Variants in SIPA1L3 observed in about 807,000 individuals in gnomAD.
SIPA1L3 encodes signal-induced proliferation-associated 1-like protein 3.
SIPA1L3 carries 59 observed loss-of-function variants against 150.1 expected under a neutral mutation model. The observed-to-expected ratio is 0.39, with a 90% CI of 0.32 to 0.49. The LOEUF (loss-of-function observed/expected upper bound fraction) is 0.49. Among genes scored for constraint, SIPA1L3 ranks in the 20% least tolerant of loss-of-function variants. The pLI, the probability that SIPA1L3 is intolerant of heterozygous loss-of-function variation, is 0.86. For missense variants in SIPA1L3, 2,211 were observed against 2,489.5 expected (o/e 0.89, Z 2.38); for synonymous variants, 1,070 against 1,077.6 (o/e 0.99, Z 0.14).
chr19:38,129,174 T>C (rs1971251888), intron 9 of SIPA1L3, among the ~76,000 whole-genome samples: 1 of 152,160 alleles, frequency 6.6e-6, no homozygotes, highest in African/African-American at 2.4e-5. Flanking sequence ...AGGGCTCTAT[T>C]CAGCAGGTCC....
At chr19:38,126,579 T>C (rs1403176535) in intron 9 of SIPA1L3, among the ~76,000 whole-genome samples, 4 of 151,878 alleles carry the variant, frequency 2.6e-5, no homozygotes, top group South Asian at 4.2e-4. Context: ...CTCTGTTGCC[T>C]AGGCTGGAGT....
At chr19:38,069,011 G>T (rs188335489) in intron 2 of SIPA1L3, among the ~76,000 whole-genome samples, 1 of 152,120 alleles carries the variant, frequency 6.6e-6, no homozygotes, top group Non-Finnish European at 1.5e-5. Flanking sequence ...CGTCATCACC[G>T]TATTATCCCT....
At chr19:37,938,666 C>T (rs2046624386) in intron 1 of SIPA1L3, among the ~76,000 whole-genome samples, 1 of 148,984 alleles carries the variant, frequency 6.7e-6, no homozygotes, top group South Asian at 2.1e-4. Flanking sequence ...TCTTGTCACC[C>T]AGGCTGGAGT....
chr19:38,045,809 G>C (rs953585161), intron 2 of SIPA1L3, among the ~76,000 whole-genome samples: 1 of 152,050 alleles, frequency 6.6e-6, no homozygotes, highest in African/African-American at 2.4e-5. Flanking sequence ...GTCGCAGGTG[G>C]GGAGGAACTG....
chr19:38,142,481 C>G (rs1349903607), intron 11 of SIPA1L3, 92 bp from the exon 12 acceptor site: 27 of 1,401,514 alleles, frequency 1.9e-5, no homozygotes, highest in Non-Finnish European at 2.5e-5. Flanking sequence ...GTCTGTCCGT[C>G]TGTCCATCCA....
Position 38,206,189 on chromosome 19 carries a change from G to C in SIPA1L3, c.5295G>C (p.Glu1765Asp). ...RLQEESQAAS[E>D]QLRKFAEIFC... is the part of the protein sequence containing the mutation. ...AGGAGGAGTCGCAGGCCGCCAGCGAGCAGCTGCGCAAGTTTGCGGAGATCT... is the reference window on the plus strand; with the variant it reads ...AGGAGGAGTCGCAGGCCGCCAGCGACCAGCTGCGCAAGTTTGCGGAGATCT... The change falls in exon 22 of 22, where the codon GAG becomes GAC. Residue 1765 changes from glutamate to aspartate, a missense_variant. Coordinates refer to ENST00000222345, the MANE Select transcript of SIPA1L3 (RefSeq NM_015073.3). 1 of 1,558,864 alleles carries C rather than the reference G, an allele frequency of 6.4e-7. No homozygotes were observed. Among genetic ancestry groups the C allele is most frequent in the South Asian group, 1.2e-5 (1 of 84,342 alleles).
At chr19:38,182,954 A>T in intron 16 of SIPA1L3, 1 of 535,456 alleles carries the variant, frequency 1.9e-6, no homozygotes, top group South Asian at 2.9e-5. Context: ...TAAGTAGAAT[A>T]AGAGAAGCAC....
intron 2 of SIPA1L3, among the ~76,000 whole-genome samples, chr19:38,067,319 G>A (rs1969618580): frequency 6.6e-6 from 1 of 152,210 alleles, no homozygotes; most frequent in Non-Finnish European, 1.5e-5. Flanking sequence ...AAGCAGAACA[G>A]GTCATGCAGG....
chr19:37,909,661 G>C (rs1457498868), intron 1 of SIPA1L3, among the ~76,000 whole-genome samples: 1 of 152,190 alleles, frequency 6.6e-6, no homozygotes, highest in Non-Finnish European at 1.5e-5. Flanking sequence ...ACCCAGTTCT[G>C]TGATTTTAGC....
intron 3 of SIPA1L3, among the ~76,000 whole-genome samples, 170 bp downstream of exon 3, chr19:38,083,269 C>T (rs939764391): frequency 5.9e-5 from 9 of 152,082 alleles, no homozygotes; most frequent in Non-Finnish European, 1.2e-4. Context: ...CAGAGCCACC[C>T]GGGCCTCAGC....
At chr19:37,957,383 GT>G (rs531296757) in intron 1 of SIPA1L3, among the ~76,000 whole-genome samples, 106 of 152,240 alleles carry the variant, frequency 7.0e-4, no homozygotes, top group Non-Finnish European at 1.2e-3. Context: ...CCATATTAAT[GT>G]TTAGTCTTCC....
chr19:38,005,314 AC>A (rs1425278178), intron 1 of SIPA1L3, among the ~76,000 whole-genome samples: 1 of 151,562 alleles, frequency 6.6e-6, no homozygotes, highest in East Asian at 1.9e-4. Context: ...GGCCCCCCAG[AC>A]CCTGCTTGCT....
In SIPA1L3 at chr19:37,918,500, C is replaced by T. The variant is rs968967639; in HGVS notation, c.-379+11142C>T. On this transcript the variant is annotated intron_variant, in intron 1 of 21. Transcript: ENST00000222345. Reference sequence around the variant, plus strand: ...GTCTCAATCTCTTGACCTTGTGATCCGCCTGCCTCGGCCTCCCAAAGTGCT... The same window carrying T: ...GTCTCAATCTCTTGACCTTGTGATCTGCCTGCCTCGGCCTCCCAAAGTGCT... 1.5e-4 allele frequency among the ~76,000 whole-genome samples: 23 copies of T among 152,024 alleles called. 1 individual carries two copies. Among genetic ancestry groups the T allele is most frequent in the East Asian group, 7.9e-4 (4 of 5,060 alleles).
intron 2 of SIPA1L3, among the ~76,000 whole-genome samples, chr19:38,077,804 G>A (rs1294815728): frequency 6.6e-6 from 1 of 150,986 alleles, no homozygotes; most frequent in African/African-American, 2.4e-5. Context: ...CCACGTAGCT[G>A]GGACTACAGG....
At chr19:38,134,406 A>C (rs1971384737) in intron 10 of SIPA1L3, among the ~76,000 whole-genome samples, 1 of 78,050 alleles carries the variant, frequency 1.3e-5, no homozygotes, top group Non-Finnish European at 2.1e-5. Flanking sequence ...GCTTTCTCAA[A>C]AAAAAAAAAA....
intron 1 of SIPA1L3, among the ~76,000 whole-genome samples, chr19:37,938,510 T>C (rs1047879782): frequency 3.3e-5 from 5 of 152,246 alleles, no homozygotes; most frequent in Non-Finnish European, 7.3e-5. Flanking sequence ...TGAAATCTCA[T>C]TGTGGTTAAT....
At chr19:38,202,646 T>TG (rs1012921381) in intron 20 of SIPA1L3, among the ~76,000 whole-genome samples, 1 of 152,186 alleles carries the variant, frequency 6.6e-6, no homozygotes, top group Non-Finnish European at 1.5e-5. Flanking sequence ...CCCCCAGCCC[T>TG]GTGCCTCTCG....
rs2304133 is a variant in SIPA1L3 at position 38,164,809 on chromosome 19, G to T, written c.4111G>T (p.Gly1371Cys). 3 of 1,611,306 alleles carry T rather than the reference G, an allele frequency of 1.9e-6. No individual in the cohort carries two copies. Among genetic ancestry groups the T allele is most frequent in the Admixed American group, 3.3e-5 (2 of 59,908 alleles). The change falls in exon 15 of 22, where the codon GGC (glycine) becomes TGC (cysteine). Residue 1371 changes from glycine to cysteine, a missense_variant. Physicochemically the swap from Gly to Cys is radical, Grantham distance 159. Coordinates refer to ENST00000222345, the MANE Select transcript of SIPA1L3 (RefSeq NM_015073.3). The surrounding 1 kb of genome is among the most constrained non-coding windows in gnomAD (Gnocchi z 4.1). ...GGTCTCCCCTGCCCCCGCAGTTGCC[G>T]GCCAAAGCAAGGGCTACCGACCGAA... The part of the protein sequence containing the change: ...REVSPAPAVA[G>C]QSKGYRPKLY...
Position 38,136,526 on chromosome 19 carries a change from C to G in SIPA1L3, c.3144-4658C>G, listed in dbSNP as rs1971440747. Among the ~76,000 whole-genome samples, 8 of 152,260 alleles carry G rather than the reference C, an allele frequency of 5.3e-5. No homozygotes were observed. The South Asian group carries it at 1.7e-3, about 32-fold the overall frequency. On this transcript the variant is annotated intron_variant, in intron 10 of 21. Transcript: ENST00000222345. ...GGCTGAGGCAGGAGAATCACTTGAA[C>G]CCGGGAGGTGGAGATTGCAGTGAGC...
Sources: gnomAD v4.1 joint callset for allele counts (sites outside exome capture counted in the v4.1 genomes callset) on GRCh38, gnomAD v4.1.1 for gene constraint, Gnocchi (gnomAD v3.1) non-coding constraint, MANE v1.5 for transcripts, NCBI Gene and HGNC (gene_info 2026-07-23, HGNC 2026-07-21) for gene names.